Variants in AGPAT5 observed in about 807,000 individuals in gnomAD.
AGPAT5 encodes 1-acylglycerol-3-phosphate O-acyltransferase 5, also known as 1-acyl-sn-glycerol-3-phosphate acyltransferase epsilon.
A neutral mutation model predicts 45.6 loss-of-function variants in AGPAT5; 46 were observed. That is an observed-to-expected ratio of 1.01 (90% CI 0.80 to 1.29). The LOEUF is 1.29. Among genes scored for constraint, AGPAT5 ranks in the 50% most tolerant of loss-of-function variants. AGPAT5 has a pLI of 0.00. For missense variants in AGPAT5, 673 were observed against 450.7 expected, an observed-to-expected ratio of 1.49 and a Z score of -4.47; for synonymous variants, 272 against 167.0, an observed-to-expected ratio of 1.63 and a Z score of -4.85.
intron 2 of AGPAT5, among the ~76,000 whole-genome samples, chr8:6,728,058 C>G (rs1479657834): frequency 6.6e-6 from 1 of 152,186 alleles, no homozygotes; most frequent in Non-Finnish European, 1.5e-5. Context: ...GCTGCACATG[C>G]AGTATCTCTT....
At chr8:6,740,460 A>G (rs1587044392) in intron 4 of AGPAT5, among the ~76,000 whole-genome samples, 1 of 148,928 alleles carries the variant, frequency 6.7e-6, no homozygotes, top group Admixed American at 6.7e-5. Flanking sequence ...ATTATTAAAT[A>G]TAATTATACA....
intron 1 of AGPAT5, among the ~76,000 whole-genome samples, chr8:6,721,203 G>A (rs923057899): frequency 6.6e-6 from 1 of 152,276 alleles, no homozygotes; most frequent in African/African-American, 2.4e-5. Context: ...ATGCTTTACA[G>A]CAGAAATCTT....
intron 4 of AGPAT5, among the ~76,000 whole-genome samples, chr8:6,736,012 C>T (rs1391475572): frequency 6.6e-6 from 1 of 151,970 alleles, no homozygotes; most frequent in African/African-American, 2.4e-5. Flanking sequence ...CACCGCCATG[C>T]CCGGCTAATT....
At chr8:6,727,644 G>C (rs1430320666) in intron 2 of AGPAT5, among the ~76,000 whole-genome samples, 1 of 152,216 alleles carries the variant, frequency 6.6e-6, no homozygotes, top group African/African-American at 2.4e-5. Flanking sequence ...GCCTCCCAAA[G>C]TGCAGGGATT....
At chr8:6,736,137 C>T (rs1437242555) in intron 4 of AGPAT5, among the ~76,000 whole-genome samples, 3 of 152,180 alleles carry the variant, frequency 2.0e-5, no homozygotes, top group Non-Finnish European at 4.4e-5. Flanking sequence ...TAGGTGTGAG[C>T]CACCACGCCC....
At chr8:6,738,853 T>C (rs182797235) in intron 4 of AGPAT5, among the ~76,000 whole-genome samples, 43 of 152,304 alleles carry the variant, frequency 2.8e-4, no homozygotes, top group Admixed American at 5.9e-4. Flanking sequence ...TTTTCTCTCA[T>C]AATTTCCACT....
rs920121169 is a variant in AGPAT5, at chr8:6,760,127, G to C, written c.*2739G>C. Reference sequence around the variant, plus strand: ...GTTCATAATTATATTCTTTGAATAGGTCTGTGTCAATCAAGTGATCTAACT... The same window carrying C: ...GTTCATAATTATATTCTTTGAATAGCTCTGTGTCAATCAAGTGATCTAACT... On this transcript the variant is annotated 3_prime_UTR_variant, in exon 8 of 8. Transcript: ENST00000285518. 6.6e-6 allele frequency among the ~76,000 whole-genome samples: 1 copy of C among 152,030 alleles called. No homozygotes were observed. The highest frequency in any genetic ancestry group is 1.5e-5 in the Non-Finnish European group (1 of 68,026).
chr8:6,739,166 G>A (rs1432613130), intron 4 of AGPAT5, among the ~76,000 whole-genome samples: 1 of 151,910 alleles, frequency 6.6e-6, no homozygotes, highest in Non-Finnish European at 1.5e-5. Context: ...ATATCCTTAT[G>A]CCAATACCAT....
intron 1 of AGPAT5, among the ~76,000 whole-genome samples, chr8:6,718,356 A>G (rs1032329920): frequency 6.6e-6 from 1 of 152,198 alleles, no homozygotes; most frequent in African/African-American, 2.4e-5. Flanking sequence ...TTCAGCTGAG[A>G]GGACGCAGCT....
chr8:6,711,329 T>C (rs1476636027), intron 1 of AGPAT5, among the ~76,000 whole-genome samples: 1 of 152,234 alleles, frequency 6.6e-6, no homozygotes, highest in African/African-American at 2.4e-5. Context: ...ATTTCACTAC[T>C]TTATTTTCAT....
chr8:6,718,309 C>T (rs1461802639), intron 1 of AGPAT5, among the ~76,000 whole-genome samples: 2 of 152,136 alleles, frequency 1.3e-5, no homozygotes, highest in African/African-American at 2.4e-5. Flanking sequence ...GCAGACATGC[C>T]GCTCCCCGTC....
rs141905222 is a variant in AGPAT5 at position 6,754,199 on chromosome 8, G to T, written c.746-852G>T. On this transcript the variant is annotated intron_variant, in intron 6 of 7. Transcript: ENST00000285518. ...ACAAAGAAGGGAGTTTCTAGTCTCC[G>T]TTCTTTCTTGGAATAAATAATAGCC... 7.2e-5 allele frequency among the ~76,000 whole-genome samples: 11 copies of T among 152,242 alleles called. No individual in the cohort carries two copies. The South Asian group carries it at 1.9e-3, about 26-fold the overall frequency.
In AGPAT5 at chr8:6,757,463, T is replaced by G. The variant is rs964337303; in HGVS notation, c.*75T>G. The G allele has an allele frequency of 2.6e-6, 3 of 1,154,056 alleles. No individual in the cohort carries two copies. Among genetic ancestry groups the G allele is most frequent in the Non-Finnish European group, 3.8e-6 (3 of 781,580 alleles). 71.5% of individuals were successfully genotyped at this position (1,154,056 alleles called of 1,614,324 possible). On this transcript the variant is annotated 3_prime_UTR_variant, in exon 8 of 8. Coordinates refer to ENST00000285518, the MANE Select transcript of AGPAT5 (RefSeq NM_018361.5). ...GCGGCTGCACATGACATCAAATTGT[T>G]TCCTGAATTTATTAAGGAGTGTAAA...
At chr8:6,743,606 C>G (rs1169531882) in intron 5 of AGPAT5, among the ~76,000 whole-genome samples, 1 of 152,174 alleles carries the variant, frequency 6.6e-6, no homozygotes. Flanking sequence ...GAAGTGCAGG[C>G]ACTGTGGTAA....
Position 6,732,557 on chromosome 8 carries a change from G to C in AGPAT5, c.406-4G>C, listed in dbSNP as rs369742435. 3 of 1,591,270 alleles carry C rather than the reference G, an allele frequency of 1.9e-6. No individual in the cohort carries two copies. The African/African-American group carries it at 4.1e-5, about 22-fold the overall frequency. On this transcript the variant is annotated splice_region_variant and splice_polypyrimidine_tract_variant and intron_variant, in intron 3 of 7. Transcript: ENST00000285518. ...TGCTCTTTCTCCCGATTTGATTGTGGCAGCATGGAGGAATCTATGTAAAGC... is the reference window on the plus strand; with the variant it reads ...TGCTCTTTCTCCCGATTTGATTGTGCCAGCATGGAGGAATCTATGTAAAGC...
intron 2 of AGPAT5, among the ~76,000 whole-genome samples, chr8:6,729,796 A>G (rs1210270865): frequency 1.3e-5 from 2 of 152,152 alleles, no homozygotes; most frequent in Admixed American, 6.5e-5. Context: ...AATTCATACC[A>G]TCTTACCCTT....
intron 7 of AGPAT5, among the ~76,000 whole-genome samples, chr8:6,755,902 G>C (rs551515202): frequency 1.3e-5 from 2 of 152,178 alleles, no homozygotes; most frequent in South Asian, 4.2e-4. Flanking sequence ...TGTATTCAGC[G>C]AGCCATTCAG....
chr8:6,747,445 G>T (rs1208605519), intron 5 of AGPAT5, among the ~76,000 whole-genome samples: 2 of 152,196 alleles, frequency 1.3e-5, no homozygotes, highest in African/African-American at 2.4e-5. Flanking sequence ...ACGGTGACTT[G>T]TACATGTAGA....
intron 6 of AGPAT5, among the ~76,000 whole-genome samples, chr8:6,749,255 A>G (rs554904346): frequency 6.6e-6 from 1 of 152,360 alleles, no homozygotes; most frequent in East Asian, 1.9e-4. Flanking sequence ...TACTGCAGAA[A>G]GTTAGGGAGG....
Sources: gnomAD v4.1 joint callset for allele counts (sites outside exome capture counted in the v4.1 genomes callset) on GRCh38, gnomAD v4.1.1 for gene constraint, MANE v1.5 for transcripts, NCBI Gene and HGNC (gene_info 2026-07-23, HGNC 2026-07-21) for gene names.